KHDRBS2: variants seen among roughly 807,000 people sequenced by gnomAD.
KHDRBS2 encodes KH domain-containing, RNA-binding, signal transduction-associated protein 2.
In KHDRBS2, 26 loss-of-function variants were observed where a neutral mutation model predicts 44.3. The ratio of observed to expected loss-of-function variants is 0.59; its 90% CI spans 0.43 to 0.81. The LOEUF (loss-of-function observed/expected upper bound fraction) is 0.81, where lower values mean the gene tolerates loss of function less well. Ranked by LOEUF, KHDRBS2 falls within the 40% of genes least tolerant of loss-of-function variation. The probability of loss-of-function intolerance (pLI) is 0.00; values close to 1 mark genes in which losing one functional copy is unlikely to be tolerated. For missense variants in KHDRBS2, 476 were observed against 433.1 expected, an observed-to-expected ratio of 1.10 and a Z score of -0.88; for synonymous variants, 194 against 151.1, an observed-to-expected ratio of 1.28 and a Z score of -2.08.
intron 7 of KHDRBS2, among the ~76,000 whole-genome samples, chr6:61,719,218 C>G (rs1422332727): frequency 6.6e-6 from 1 of 152,150 alleles, no homozygotes. Context: ...TTTAACATTT[C>G]ACATCCAAAT....
At chr6:62,169,123 AT>A (rs1819359758) in intron 2 of KHDRBS2, among the ~76,000 whole-genome samples, 1 of 137,784 alleles carries the variant, frequency 7.3e-6, no homozygotes, top group Non-Finnish European at 1.6e-5. Context: ...ATGTGTGTAT[AT>A]ATACATATAC....
chr6:62,263,043 A>G (rs1427082303), intron 1 of KHDRBS2, among the ~76,000 whole-genome samples: 1 of 151,754 alleles, frequency 6.6e-6, no homozygotes, highest in Non-Finnish European at 1.5e-5. Context: ...AAATTACATG[A>G]AACAAACCTG....
Position 61,987,641 on chromosome 6 carries a change from T to C in KHDRBS2, c.337-9429A>G, listed in dbSNP as rs190362936. 1.8e-3 allele frequency among the ~76,000 whole-genome samples: 272 copies of C among 152,296 alleles called. 1 individual carries two copies. Among genetic ancestry groups the C allele is most frequent in the Middle Eastern group, 6.8e-3 (2 of 294 alleles). ...TTATACCTTAGCCTGAATGGGATTG[T>C]TCTGAATCCCCAATTTAAAGACATT... On this transcript the variant is annotated intron_variant, in intron 3 of 8. Transcript: ENST00000281156.
At chr6:62,154,178 G>A (rs150951152) in intron 2 of KHDRBS2, among the ~76,000 whole-genome samples, 6 of 152,194 alleles carry the variant, frequency 3.9e-5, no homozygotes, top group Non-Finnish European at 7.3e-5. Flanking sequence ...GAAAAAGCAA[G>A]TGTCAGGTTA....
At chr6:61,664,536 T>C in the KHDRBS2 span, among the ~76,000 whole-genome samples, 2 of 151,744 alleles carry the variant, frequency 1.3e-5, no homozygotes, top group South Asian at 2.1e-4. Context: ...TCCTGATGTA[T>C]ACATATTTTA....
intron 4 of KHDRBS2, among the ~76,000 whole-genome samples, chr6:61,932,724 C>A (rs1810306831): frequency 6.6e-6 from 1 of 152,038 alleles, no homozygotes; most frequent in African/African-American, 2.4e-5. Flanking sequence ...AACCGGGAGG[C>A]GGAGTTTGCA....
intron 1 of KHDRBS2, among the ~76,000 whole-genome samples, chr6:62,280,270 TAAG>T (rs1207011591): frequency 3.3e-5 from 5 of 152,250 alleles, no homozygotes; most frequent in African/African-American, 1.2e-4. Flanking sequence ...TGGAAATTAT[TAAG>T]AAGTGTGACA....
chr6:61,968,111 ATTTTCT>A (rs1770529050), intron 4 of KHDRBS2, among the ~76,000 whole-genome samples: 1 of 151,730 alleles, frequency 6.6e-6, no homozygotes, highest in Admixed American at 6.6e-5. Flanking sequence ...TTTAAATAGT[ATTTTCT>A]TTTATTCCTG....
intron 4 of KHDRBS2, among the ~76,000 whole-genome samples, chr6:61,946,352 A>G (rs569424505): frequency 6.6e-6 from 1 of 152,324 alleles, no homozygotes; most frequent in Admixed American, 6.5e-5. Context: ...CCCTCTTTCA[A>G]GTTTAAAGAT....
the KHDRBS2 span, among the ~76,000 whole-genome samples, chr6:61,665,863 A>T: frequency 1.3e-5 from 2 of 151,088 alleles, no homozygotes; most frequent in African/African-American, 2.4e-5. Context: ...GATGGTGCTT[A>T]GTTCTGAAAT....
Position 61,679,974 on chromosome 6 carries a change from A to T in KHDRBS2, c.*989T>A, listed in dbSNP as rs185731721. ...AAGCTTAGAGGATAGTTTAAAATCC[A>T]TTTATTATTCTAAATCCATTTTTTT... On this transcript the variant is annotated 3_prime_UTR_variant, in exon 9 of 9. Transcript: ENST00000281156. The T allele has an allele frequency of 2.0e-5, 3 of 152,084 alleles. No individual in the cohort carries two copies. 9.4% of individuals were successfully genotyped at this position (152,084 alleles called of 1,614,324 possible). A position where few individuals can be genotyped will look rare whatever the true frequency, so the allele number is the denominator to read the frequency against.
At chr6:61,821,315 T>G (rs484890) in intron 6 of KHDRBS2, among the ~76,000 whole-genome samples, 33,829 of 151,850 alleles carry the variant, frequency 0.22, 4,625 homozygotes, top group South Asian at 0.35. Flanking sequence ...TAGATTAGGG[T>G]TTGCAACATT....
chr6:62,111,356 AATTC>A (rs1386119549), intron 2 of KHDRBS2, among the ~76,000 whole-genome samples: 1 of 152,128 alleles, frequency 6.6e-6, no homozygotes, highest in Non-Finnish European at 1.5e-5. Context: ...AACTGCACAG[AATTC>A]ATTCATTCAC....
chr6:62,230,324 G>A (rs1832697454), intron 1 of KHDRBS2, among the ~76,000 whole-genome samples: 1 of 152,188 alleles, frequency 6.6e-6, no homozygotes, highest in Admixed American at 6.5e-5. Flanking sequence ...AACTTCTGCA[G>A]TGTTCTTCCA....
rs190551466 is a variant in KHDRBS2, at chr6:61,962,675, T to C, written c.483+15391A>G. Among the ~76,000 whole-genome samples the C allele has an allele frequency of 7.0e-4, 107 of 152,182 alleles. 1 individual carries two copies. The highest frequency in any genetic ancestry group is 2.5e-3 in the African/African-American group (102 of 41,560). On this transcript the variant is annotated intron_variant, in intron 4 of 8. Transcript: ENST00000281156. ...AATTAGGATAAATAAATCTGGAGGA[T>C]AACTGTCAAAAATGATCATTTTCAT...
chr6:61,813,877 A>C (rs1197131324), intron 6 of KHDRBS2: 4 of 455,536 alleles, frequency 8.8e-6, no homozygotes, highest in African/African-American at 2.0e-5. Flanking sequence ...AGTATGACAC[A>C]CACTAGGCAC....
At chr6:61,790,651 CT>C (rs1359531288) in intron 6 of KHDRBS2, among the ~76,000 whole-genome samples, 1 of 151,412 alleles carries the variant, frequency 6.6e-6, no homozygotes, top group Non-Finnish European at 1.5e-5. Flanking sequence ...GATATATTTT[CT>C]TTTTAAAATT....
intron 3 of KHDRBS2, among the ~76,000 whole-genome samples, chr6:62,041,786 A>G (rs1054727249): frequency 6.6e-6 from 1 of 152,138 alleles, no homozygotes; most frequent in African/African-American, 2.4e-5. Flanking sequence ...ATGATTTAAG[A>G]TAATATATAA....
chr6:61,661,889 A>G, the KHDRBS2 span, among the ~76,000 whole-genome samples: 4 of 152,046 alleles, frequency 2.6e-5, no homozygotes, highest in African/African-American at 9.7e-5. Flanking sequence ...CAGAATTGGG[A>G]AAAGCTACTT....
Sources: gnomAD v4.1 joint callset for allele counts (sites outside exome capture counted in the v4.1 genomes callset) on GRCh38, gnomAD v4.1.1 for gene constraint, MANE v1.5 for transcripts, NCBI Gene and HGNC (gene_info 2026-07-23, HGNC 2026-07-21) for gene names.